FAM8A1: variants seen among roughly 807,000 people sequenced by gnomAD.
FAM8A1 encodes the protein family with sequence similarity 8 member A1, also known as protein FAM8A1.
In FAM8A1, 18 loss-of-function variants were observed where a neutral mutation model predicts 38.3. The ratio of observed to expected loss-of-function variants is 0.47; its 90% CI spans 0.33 to 0.70. FAM8A1 has a LOEUF of 0.70. FAM8A1 is among the 30% of genes least tolerant of loss of function. FAM8A1 has a pLI of 0.03. For missense variants in FAM8A1, 559 were observed against 559.6 expected, an observed-to-expected ratio of 1.00 and a Z score of 0.01; for synonymous variants, 246 against 234.4, an observed-to-expected ratio of 1.05 and a Z score of -0.45.
At chr6:17,607,974 T>C (rs575008698) in intron 4 of FAM8A1, among the ~76,000 whole-genome samples, 26 of 152,346 alleles carry the variant, frequency 1.7e-4, no homozygotes, top group African/African-American at 6.0e-4. Context: ...TGAAGTCTTA[T>C]TAGAAATAGC....
Position 17,600,986 on chromosome 6 carries a change from A to G in FAM8A1, c.577A>G (p.Ile193Val), listed in dbSNP as rs1159277854. The change falls in exon 1 of 5, where the codon ATC becomes GTC. Residue 193 changes from isoleucine (I) to valine (V), a missense_variant. By Grantham distance (29) the Ile-to-Val change is conservative. Coordinates refer to ENST00000259963, the MANE Select transcript of FAM8A1 (RefSeq NM_016255.3). Reference protein sequence around the residue: ...AGPDPRTAAGISTPAPVAGLG... With the variant: ...AGPDPRTAAGVSTPAPVAGLG... ...GCCTGACCCGCGGACAGCTGCCGGC[A>G]TCAGCACCCCTGCTCCAGTCGCGGG... 5 of 1,593,014 alleles carry G rather than the reference A, an allele frequency of 3.1e-6. No homozygotes were observed. The highest frequency in any genetic ancestry group is 4.3e-6 in the Non-Finnish European group (5 of 1,171,550).
intron 1 of FAM8A1, 29 bp downstream of exon 1, chr6:17,601,150 G>C (rs1177739770): frequency 6.4e-7 from 1 of 1,562,490 alleles, no homozygotes; most frequent in African/African-American, 1.3e-5. Flanking sequence ...AGGCTGGGCG[G>C]AGTAGAAGGG....
At chr6:17,604,700 C>T (rs2113745989) in intron 2 of FAM8A1, among the ~76,000 whole-genome samples, 1 of 151,988 alleles carries the variant, frequency 6.6e-6, no homozygotes, top group East Asian at 1.9e-4. Flanking sequence ...CCCTTATTTC[C>T]CCCGTGCTAG....
At chr6:17,607,704 A>C (rs1764075559) in intron 4 of FAM8A1, among the ~76,000 whole-genome samples, 1 of 152,166 alleles carries the variant, frequency 6.6e-6, no homozygotes, top group Admixed American at 6.6e-5. Context: ...AAGTAGGATA[A>C]TTCTCCATCC....
In FAM8A1 at chr6:17,600,992, A is replaced by G; in HGVS notation, c.583A>G (p.Thr195Ala). The stretch of plus-strand genomic sequence containing the variant: ...CCCGCGGACAGCTGCCGGCATCAGC[A>G]CCCCTGCTCCAGTCGCGGGCCTGGG... The part of the protein sequence containing the change: ...PDPRTAAGIS[T>A]PAPVAGLGPR... Residue 195 changes from threonine (T) to alanine (A), a missense_variant, in exon 1 of 5, where the codon ACC (threonine) becomes GCC (alanine). Transcript: ENST00000259963. The G allele has an allele frequency of 6.3e-7, 1 of 1,590,332 alleles. No homozygotes were observed. The highest frequency in any genetic ancestry group is 8.5e-7 in the Non-Finnish European group (1 of 1,170,428).
At chr6:17,602,560 T>A (rs766779763) in intron 1 of FAM8A1, 30 bp from the exon 2 acceptor site, 2 of 1,457,354 alleles carry the variant, frequency 1.4e-6, no homozygotes, top group Non-Finnish European at 1.8e-6. Flanking sequence ...GATTCGTTTT[T>A]CCTAACTTTT....
At position 17,611,449 on chromosome 6, in the gene FAM8A1, T is replaced by A. The variant is rs903700720; in HGVS notation, c.*3110T>A. The A allele has an allele frequency of 1.3e-5, 2 of 152,632 alleles. No individual in the cohort carries two copies. The highest frequency in any genetic ancestry group is 4.8e-5 in the African/African-American group (2 of 41,450). The allele number at this position is 152,632 out of a possible 1,614,324, so 9.5% of individuals were successfully genotyped here. On this transcript the variant is annotated 3_prime_UTR_variant, in exon 5 of 5. Transcript: ENST00000259963. ...TTTGAATATGCCTAAATAACAGTATTCTTAAAATCTGACAGACAAGTAACA... is the reference window on the plus strand; with the variant it reads ...TTTGAATATGCCTAAATAACAGTATACTTAAAATCTGACAGACAAGTAACA...
In FAM8A1 at chr6:17,600,917, G is replaced by A. The variant is rs771948213; in HGVS notation, c.508G>A (p.Gly170Ser). The change falls in exon 1 of 5, where the codon GGC (glycine) becomes AGC (serine). Residue 170 changes from glycine (G) to serine (S), a missense_variant. Gly to Ser is a moderately conservative substitution (Grantham distance 56, BLOSUM62 0). Coordinates refer to ENST00000259963, the MANE Select transcript of FAM8A1 (RefSeq NM_016255.3). The stretch of plus-strand genomic sequence containing the variant: ...CGCGGCGCCGCCGCCCCCGCAGCTG[G>A]GCTATTACAACCCCTTCTACTTCCT... ...QAAAPPPPQL[G>S]YYNPFYFLSP... 6.3e-7 allele frequency: 1 copy of A among 1,592,066 alleles called. No individual in the cohort carries two copies. The highest frequency in any genetic ancestry group is 1.1e-5 in the South Asian group (1 of 89,796).
chr6:17,604,800 G>A (rs1764029731), intron 2 of FAM8A1, 106 bp from the exon 3 acceptor site: 1 of 861,906 alleles, frequency 1.2e-6, no homozygotes, highest in Admixed American at 2.8e-5. Context: ...CTAAAGATTA[G>A]TTTAGAATTT....
In FAM8A1 at chr6:17,601,099, G is replaced by T; in HGVS notation, c.690G>T (p.Pro230=). ...RVGSAAPSRS[P]SETGRQAGRE... ...GATCCGCAGCCCCTTCGCGAAGCCC[G>T]AGCGAGACCGGGCGACAGGCAGGTG... Residue 230 remains proline, a synonymous_variant, in exon 1 of 5, where the codon CCG becomes CCT. Coordinates refer to ENST00000259963, the MANE Select transcript of FAM8A1 (RefSeq NM_016255.3). The T allele has an allele frequency of 6.3e-7, 1 of 1,596,060 alleles. No individual in the cohort carries two copies. Among genetic ancestry groups the T allele is most frequent in the Non-Finnish European group, 8.5e-7 (1 of 1,173,888 alleles).
At chr6:17,602,799 A>G in intron 2 of FAM8A1, 89 bp downstream of exon 2, 1 of 1,246,810 alleles carries the variant, frequency 8.0e-7, no homozygotes, top group Non-Finnish European at 1.1e-6. Context: ...ACGTGACTAT[A>G]TGGATAATGG....
intron 2 of FAM8A1, among the ~76,000 whole-genome samples, chr6:17,604,518 T>C (rs1764027168): frequency 6.6e-6 from 1 of 152,300 alleles, no homozygotes; most frequent in South Asian, 2.1e-4. Flanking sequence ...CATCTAACTG[T>C]CTTTTCTGGG....
chr6:17,610,014 A>G lies in FAM8A1; in HGVS notation c.*1675A>G, dbSNP rs146426806. On this transcript the variant is annotated 3_prime_UTR_variant, in exon 5 of 5. Transcript: ENST00000259963. The stretch of plus-strand genomic sequence containing the variant: ...GAAACACTAATAATTAAGTACATCA[A>G]TGTACTAAATAAATCATTCAGTTGC... The G allele has an allele frequency of 6.6e-5, 10 of 152,308 alleles. No individual in the cohort carries two copies. The highest frequency in any genetic ancestry group is 2.0e-4 in the Admixed American group (3 of 15,300). The allele number at this position is 152,308 out of a possible 1,614,324, so 9.4% of individuals were successfully genotyped here.
rs1310440846 is a variant in FAM8A1 at position 17,601,127 on chromosome 6, A to C, written c.712+6A>C. ...CGAGACCGGGCGACAGGCAGGTGAG[A>C]AGCGCGAGGTGGAGGCTGGGCGGAG... On this transcript the variant is annotated splice_donor_region_variant and intron_variant, in intron 1 of 4. Transcript: ENST00000259963. 1.3e-6 allele frequency: 2 copies of C among 1,584,188 alleles called. No homozygotes were observed. Among genetic ancestry groups the C allele is most frequent in the South Asian group, 2.3e-5 (2 of 87,194 alleles).
At chr6:17,606,754 A>G (rs1764058160) in intron 4 of FAM8A1, among the ~76,000 whole-genome samples, 1 of 152,148 alleles carries the variant, frequency 6.6e-6, no homozygotes, top group Non-Finnish European at 1.5e-5. Flanking sequence ...TACTGCCAGT[A>G]TTCAAGGTTA....
At position 17,611,157 on chromosome 6, in the gene FAM8A1, G is replaced by GA. The variant is rs543687052; in HGVS notation, c.*2825dup. Reference sequence around the variant, plus strand: ...TTTACCCAAGTATATATATAGGATAGAAAAAAATGCATTATATTTGAGAGC... The same window carrying GA: ...TTTACCCAAGTATATATATAGGATAGAAAAAAAATGCATTATATTTGAGAGC... On this transcript the variant is annotated 3_prime_UTR_variant, in exon 5 of 5. Coordinates refer to ENST00000259963, the MANE Select transcript of FAM8A1 (RefSeq NM_016255.3). 6.6e-6 allele frequency: 1 copy of GA among 152,060 alleles called. No individual in the cohort carries two copies. Among genetic ancestry groups the GA allele is most frequent in the Non-Finnish European group, 1.5e-5 (1 of 67,974 alleles). The allele number at this position is 152,060 out of a possible 1,614,324, so 9.4% of individuals were successfully genotyped here. A position where few individuals can be genotyped will look rare whatever the true frequency, so the allele number is the denominator to read the frequency against.
chr6:17,600,338 GTTGGGGAGGGGCCA>G lies in FAM8A1; in HGVS notation c.-65_-52del, dbSNP rs1196180166. On this transcript the variant is annotated 5_prime_UTR_variant, in exon 1 of 5. Transcript: ENST00000259963. ...CGGTTGCTGCGGTGGTGACGGGGCT[GTTGGGGAGGGGCCA>G]TTGGGGGAGGGAAACGGAGCAGTGA... 4.5e-6 allele frequency: 6 copies of G among 1,321,680 alleles called. No individual in the cohort carries two copies. The highest frequency in any genetic ancestry group is 5.8e-6 in the Non-Finnish European group (6 of 1,035,038). 81.9% of individuals were successfully genotyped at this position (1,321,680 alleles called of 1,614,324 possible). A position where few individuals can be genotyped will look rare whatever the true frequency, so the allele number is the denominator to read the frequency against.
At chr6:17,602,465 G>T (rs933361982) in intron 1 of FAM8A1, 125 bp from the exon 2 acceptor site, 6 of 893,238 alleles carry the variant, frequency 6.7e-6, no homozygotes, top group Non-Finnish European at 3.3e-6. Flanking sequence ...GTTGCTGCAC[G>T]GTTATAAATA....
Position 17,608,337 on chromosome 6 carries a change from T to C in FAM8A1, c.1240T>C (p.Ter414ArgextTer6). The change falls in exon 5 of 5, where the codon TGA (stop) becomes CGA (arginine). Residue 414 changes from the stop codon to arginine, a stop_lost. Coordinates refer to ENST00000259963, the MANE Select transcript of FAM8A1 (RefSeq NM_016255.3). ...TGTGGTAAAAAGAAATGGGGTCAGA[T>C]GATGCCCCCCAAAACCCTGATTTCC... ...TIVVKRNGVR[*>R] is the part of the protein sequence containing the mutation. 1 of 1,610,832 alleles carries C rather than the reference T, an allele frequency of 6.2e-7. No individual in the cohort carries two copies. The highest frequency in any genetic ancestry group is 8.5e-7 in the Non-Finnish European group (1 of 1,179,240).
Sources: gnomAD v4.1 joint callset for allele counts (sites outside exome capture counted in the v4.1 genomes callset) on GRCh38, gnomAD v4.1.1 for gene constraint, MANE v1.5 for transcripts, NCBI Gene and HGNC (gene_info 2026-07-23, HGNC 2026-07-21) for gene names.